The following ADAMTS9 variants were observed in gnomAD, a reference collection of about 807,000 sequenced individuals.
The protein encoded by ADAMTS9 is ADAM metallopeptidase with thrombospondin type 1 motif 9.
ADAMTS9 carries 107 observed loss-of-function variants against 257.1 expected under a neutral mutation model. The ratio of observed to expected loss-of-function variants is 0.42; its 90% confidence interval spans 0.36 to 0.49. The LOEUF is 0.49. Among genes scored for constraint, ADAMTS9 ranks in the 20% least tolerant of loss-of-function variants. ADAMTS9 has a pLI of 0.03. For synonymous variants in ADAMTS9, 982 were observed against 880.9 expected (o/e 1.11, Z -2.03); for missense variants, 2,353 against 2,469.1 (o/e 0.95, Z 1.00).
chr3:64,568,404 TC>T lies in ADAMTS9; in HGVS notation c.4487del (p.Gly1496GlufsTer36). 1.2e-6 allele frequency: 2 copies of T among 1,612,318 alleles called. No homozygotes were observed. The highest frequency in any genetic ancestry group is 1.7e-6 in the Non-Finnish European group (2 of 1,179,606). On this transcript the variant is annotated frameshift_variant, in exon 29 of 40. Coordinates refer to ENST00000498707, the MANE Select transcript of ADAMTS9 (RefSeq NM_182920.2). LOFTEE classifies it high-confidence loss of function. ...CGCCAGCTTTCCATTTGGGGCATCT[TC>T]CTCCTCGGCACTTTCTGTGCCCATG... is the stretch of plus-strand genomic sequence containing the variant. ...KPHGHRKCRG[G>X]RCPKWKAGAW... is the part of the protein sequence containing the mutation.
In ADAMTS9 at chr3:64,633,740, C is replaced by T. The variant is rs146305352; in HGVS notation, c.1996G>A (p.Gly666Ser). The change falls in exon 13 of 40, where the codon GGT becomes AGT. Residue 666 changes from glycine to serine, a missense_variant. By Grantham distance (56) the Gly-to-Ser change is moderately conservative (BLOSUM62 0). Coordinates refer to ENST00000498707, the MANE Select transcript of ADAMTS9 (RefSeq NM_182920.2). ...HFDGKHFNIN[G>S]LLPNVRWVPK... is the part of the protein sequence containing the mutation. ...ACCCAGCGCACATTGGGAAGCAGAC[C>T]GTTGATGTTAAAATGCTTCCCGTCA... The T allele has an allele frequency of 1.2e-5, 20 of 1,613,574 alleles. No homozygotes were observed. The highest frequency in any genetic ancestry group is 4.0e-5 in the African/African-American group (3 of 74,818).
chr3:64,581,813 C>T lies in ADAMTS9; in HGVS notation c.4356+12445G>A, dbSNP rs147304315. On this transcript the variant is annotated intron_variant, in intron 28 of 39. Coordinates refer to ENST00000498707, the MANE Select transcript of ADAMTS9 (RefSeq NM_182920.2). ...GTTCTTTAATACATATTTCTGTGGT[C>T]TTCCATCAAATAAAGTTTGAACATT... is the stretch of plus-strand genomic sequence containing the variant. 7.0e-4 allele frequency among the ~76,000 whole-genome samples: 106 copies of T among 152,264 alleles called. 1 individual carries two copies. Among genetic ancestry groups the T allele is most frequent in the Admixed American group, 1.6e-3 (24 of 15,296 alleles).
At position 64,546,800 on chromosome 3, in the gene ADAMTS9, G is replaced by A; in HGVS notation, c.5022C>T (p.Asp1674=). Residue 1674 remains aspartate, a synonymous_variant, in exon 32 of 40, where the codon GAC becomes GAT. Coordinates refer to ENST00000498707, the MANE Select transcript of ADAMTS9 (RefSeq NM_182920.2). ...CTCTCCAGGTGGCCGAGACAGGGCA[G>A]TCCCTCAGGTAACAGGGGTGAACAC... is the stretch of plus-strand genomic sequence containing the variant. ...PPSVHPCYLR[D]CPVSATWRVG... 6.2e-7 allele frequency: 1 copy of A among 1,612,942 alleles called. No homozygotes were observed. Among genetic ancestry groups the A allele is most frequent in the Non-Finnish European group, 8.5e-7 (1 of 1,179,514 alleles).
intron 32 of ADAMTS9, among the ~76,000 whole-genome samples, chr3:64,544,634 A>T (rs529757362): frequency 6.6e-6 from 1 of 152,210 alleles, no homozygotes; most frequent in Non-Finnish European, 1.5e-5. Flanking sequence ...TAAAGACTTA[A>T]ATGTTAGACC....
chr3:64,626,133 C>A (rs925113615), intron 16 of ADAMTS9, among the ~76,000 whole-genome samples: 1 of 152,288 alleles, frequency 6.6e-6, no homozygotes, highest in Admixed American at 6.5e-5. Context: ...AAATAAGAAT[C>A]CATATCAGCT....
chr3:64,649,343 C>A (rs1180284451), intron 10 of ADAMTS9, among the ~76,000 whole-genome samples: 1 of 152,228 alleles, frequency 6.6e-6, no homozygotes, highest in East Asian at 1.9e-4. Context: ...TTCCCAACTC[C>A]GTAACCTTGC....
At position 64,561,907 on chromosome 3, in the gene ADAMTS9, G is replaced by C. The variant is rs910645601; in HGVS notation, c.4525-156C>G. On this transcript the variant is annotated intron_variant, in intron 29 of 39. Coordinates refer to ENST00000498707, the MANE Select transcript of ADAMTS9 (RefSeq NM_182920.2). ...CTAATTTGCAATGAAAGGGATCCTA[G>C]ATCATGTCTTAAACCTGGAAACTCA... The C allele has an allele frequency of 8.7e-5, 58 of 664,096 alleles. No individual in the cohort carries two copies. The African/African-American group carries it at 8.9e-4, about 10-fold the overall frequency. The allele number at this position is 664,096 out of a possible 1,614,324, so 41.1% of individuals were successfully genotyped here. A position where few individuals can be genotyped will look rare whatever the true frequency, so the allele number is the denominator to read the frequency against.
rs369279522 is a variant in ADAMTS9 at position 64,641,996 on chromosome 3, G to A, written c.1711-3C>T. On this transcript the variant is annotated splice_polypyrimidine_tract_variant and splice_region_variant and intron_variant, in intron 11 of 39. Coordinates refer to ENST00000498707, the MANE Select transcript of ADAMTS9 (RefSeq NM_182920.2). ...ACACAAAATCCATACTTGCAGTGCT[G>A]TATTTAATAAGGGGAATAGTGAGGG... The A allele has an allele frequency of 2.4e-4, 380 of 1,613,906 alleles. 1 individual carries two copies. Among genetic ancestry groups the A allele is most frequent in the Non-Finnish European group, 3.1e-4 (367 of 1,179,950 alleles).
chr3:64,556,007 C>T (rs566481836), intron 30 of ADAMTS9, among the ~76,000 whole-genome samples: 15 of 152,296 alleles, frequency 9.8e-5, no homozygotes, highest in South Asian at 8.3e-4. Flanking sequence ...CACATCAAAA[C>T]CTGGTCATTC....
chr3:64,613,213 A>G (rs2084699423), intron 22 of ADAMTS9, 132 bp downstream of exon 22: 1 of 1,022,162 alleles, frequency 9.8e-7, no homozygotes, highest in African/African-American at 1.6e-5. Context: ...TGCTTGATCC[A>G]GTGCCATGGA....
intron 39 of ADAMTS9, among the ~76,000 whole-genome samples, chr3:64,520,923 C>T (rs2082843824): frequency 6.6e-6 from 1 of 151,958 alleles, no homozygotes; most frequent in South Asian, 2.1e-4. Flanking sequence ...AAAGCAAATG[C>T]AACAAAATGA....
chr3:64,687,291 C>T lies in ADAMTS9; in HGVS notation c.115+252G>A, dbSNP rs1276702736. Reference sequence around the variant, plus strand: ...CCAATTACTAAGTTACTTTAGTTTGCGGCGTGGGAGTGGGGATGGGGATAT... The same window carrying T: ...CCAATTACTAAGTTACTTTAGTTTGTGGCGTGGGAGTGGGGATGGGGATAT... On this transcript the variant is annotated intron_variant, in intron 1 of 39. Coordinates refer to ENST00000498707, the MANE Select transcript of ADAMTS9 (RefSeq NM_182920.2). This position sits in a 1 kb window ranked among gnomAD's most constrained non-coding sequence, Gnocchi z 4.4. Among the ~76,000 whole-genome samples the T allele has an allele frequency of 6.6e-6, 1 of 152,030 alleles. No homozygotes were observed. The highest frequency in any genetic ancestry group is 1.9e-4 in the East Asian group (1 of 5,184).
At chr3:64,618,464 C>T (rs914289411) in intron 19 of ADAMTS9, among the ~76,000 whole-genome samples, 2 of 152,148 alleles carry the variant, frequency 1.3e-5, no homozygotes, top group African/African-American at 4.8e-5. Flanking sequence ...GCCCTAATTA[C>T]AGCTAGGTAT....
At chr3:64,635,935 A>ATT (rs1700484133) in intron 12 of ADAMTS9, among the ~76,000 whole-genome samples, 1 of 152,178 alleles carries the variant, frequency 6.6e-6, no homozygotes, top group South Asian at 2.1e-4. Context: ...ATGTGCTACA[A>ATT]GGAAGACCCC....
In ADAMTS9 at chr3:64,567,142, A is replaced by G. The variant is rs141805456; in HGVS notation, c.4524+1226T>C. Among the ~76,000 whole-genome samples the G allele has an allele frequency of 2.6e-5, 4 of 152,332 alleles. No homozygotes were observed. In the East Asian group the frequency reaches 7.7e-4, roughly 29 times the overall value. ...CAGTGATGCCAGATCAGGGCATTGA[A>G]AATACATTCAGGTTTCTGAAGGAAT... On this transcript the variant is annotated intron_variant, in intron 29 of 39. Coordinates refer to ENST00000498707, the MANE Select transcript of ADAMTS9 (RefSeq NM_182920.2).
Position 64,686,973 on chromosome 3 carries a change from G to A in ADAMTS9, c.116-5C>T, listed in dbSNP as rs1301654368. The A allele has an allele frequency of 3.1e-6, 5 of 1,611,840 alleles. No homozygotes were observed. In the South Asian group the frequency reaches 4.4e-5, roughly 14 times the overall value. ...TCAGGGTCTCTAATAATTTCACTGC[G>A]GAGAGAAGCAGAGGTATATGAACCA... On this transcript the variant is annotated splice_region_variant and splice_polypyrimidine_tract_variant and intron_variant, in intron 1 of 39. Transcript: ENST00000498707. The surrounding 1 kb of genome is among the most constrained non-coding windows in gnomAD (Gnocchi z 4.6).
At chr3:64,661,634 G>T (rs1029789206) in intron 3 of ADAMTS9, among the ~76,000 whole-genome samples, 2 of 152,144 alleles carry the variant, frequency 1.3e-5, no homozygotes, top group African/African-American at 2.4e-5. Flanking sequence ...TTTGAAATGA[G>T]CTCATGATTT....
At chr3:64,526,515 C>T (rs1396743568) in intron 38 of ADAMTS9, among the ~76,000 whole-genome samples, 2 of 152,180 alleles carry the variant, frequency 1.3e-5, no homozygotes, top group African/African-American at 4.8e-5. Context: ...ATACCACCAG[C>T]AACTGAATTT....
intron 16 of ADAMTS9, among the ~76,000 whole-genome samples, chr3:64,624,270 G>A (rs528868091): frequency 6.7e-6 from 1 of 149,982 alleles, no homozygotes; most frequent in Non-Finnish European, 1.5e-5. Flanking sequence ...AAGGAAAAGA[G>A]AGACAAAGAA....
Sources: gnomAD v4.1 joint callset for allele counts (sites outside exome capture counted in the v4.1 genomes callset) on GRCh38, gnomAD v4.1.1 for gene constraint, Gnocchi (gnomAD v3.1) non-coding constraint, MANE v1.5 for transcripts, NCBI Gene and HGNC (gene_info 2026-07-23, HGNC 2026-07-21) for gene names.